RIPK1: variants seen among roughly 807,000 people sequenced by gnomAD.
RIPK1 encodes the protein receptor-interacting serine/threonine-protein kinase 1.
A neutral mutation model predicts 62.4 loss-of-function variants in RIPK1; 27 were observed. The observed-to-expected ratio is 0.43, with a 90% CI of 0.32 to 0.60. The LOEUF (loss-of-function observed/expected upper bound fraction) is 0.60, where lower values mean the gene tolerates loss of function less well. Ranked by LOEUF, RIPK1 falls within the 20% of genes least tolerant of loss-of-function variation. The pLI is 0.07. For missense variants in RIPK1, 735 were observed against 831.0 expected, an observed-to-expected ratio of 0.88 and a Z score of 1.42; for synonymous variants, 287 against 303.2, an observed-to-expected ratio of 0.95 and a Z score of 0.55.
intron 4 of RIPK1, among the ~76,000 whole-genome samples, chr6:3,082,294 A>G (rs978955620): frequency 9.2e-5 from 14 of 152,180 alleles, no homozygotes; most frequent in African/African-American, 3.1e-4. Context: ...CTATCTTCAA[A>G]TTCATGACTT....
rs1409851171 is a variant in RIPK1 at position 3,105,981 on chromosome 6, T to C, written c.1506T>C (p.Asn502=). 6.2e-7 allele frequency: 1 copy of C among 1,614,134 alleles called. No individual in the cohort carries two copies. Among genetic ancestry groups the C allele is most frequent in the Admixed American group, 1.7e-5 (1 of 60,022 alleles). Residue 502 remains asparagine, a synonymous_variant, in exon 9 of 11, where the codon AAT becomes AAC. Coordinates refer to ENST00000259808, the MANE Select transcript of RIPK1 (RefSeq NM_001354930.2). The surrounding 1 kb of genome is among the most constrained non-coding windows in gnomAD (Gnocchi z 4.5). The stretch of plus-strand genomic sequence containing the variant: ...CAAGTCATATGCCTAGTCTGCATAA[T>C]ATCCCAGTGCCTGAGACCAACTATC... ...PIPSHMPSLH[N]IPVPETNYLG... is the part of the protein sequence containing the mutation.
chr6:3,081,978 T>C (rs1759414944), intron 4 of RIPK1, among the ~76,000 whole-genome samples: 2 of 150,122 alleles, frequency 1.3e-5, no homozygotes, highest in Admixed American at 6.7e-5. Flanking sequence ...CTTCTGTCTG[T>C]ATTTTAAAAA....
At position 3,100,794 on chromosome 6, in the gene RIPK1, T is replaced by C. The variant is rs138607713; in HGVS notation, c.916-3431T>C. On this transcript the variant is annotated intron_variant, in intron 7 of 10. Coordinates refer to ENST00000259808, the MANE Select transcript of RIPK1 (RefSeq NM_001354930.2). The stretch of plus-strand genomic sequence containing the variant: ...TTTTAGTAGAGATGGGGTTTCACCA[T>C]GTTGGCCAGGCTGGTCTTGAACTCC... 3.7e-3 allele frequency among the ~76,000 whole-genome samples: 569 copies of C among 152,110 alleles called. 6 individuals carry two copies. Among genetic ancestry groups the C allele is most frequent in the African/African-American group, 0.013 (552 of 41,508 alleles).
In RIPK1 at chr6:3,105,002, C is replaced by T. The variant is rs556604183; in HGVS notation, c.1007-480C>T. Among the ~76,000 whole-genome samples the T allele has an allele frequency of 6.6e-6, 1 of 152,216 alleles. No homozygotes were observed. The highest frequency in any genetic ancestry group is 1.9e-4 in the East Asian group (1 of 5,166). On this transcript the variant is annotated intron_variant, in intron 8 of 10. Transcript: ENST00000259808. This position sits in a 1 kb window ranked among gnomAD's most constrained non-coding sequence, Gnocchi z 4.5. Reference sequence around the variant, plus strand: ...AAGCAGCAGGGATTACAGGCATGCACCACCATGCCCGGCTAATTTTTGTAT... The same window carrying T: ...AAGCAGCAGGGATTACAGGCATGCATCACCATGCCCGGCTAATTTTTGTAT...
intron 10 of RIPK1, among the ~76,000 whole-genome samples, chr6:3,111,357 A>G (rs919214855): frequency 2.0e-5 from 3 of 152,198 alleles, no homozygotes; most frequent in Non-Finnish European, 4.4e-5. Flanking sequence ...TGTGCCCTCC[A>G]CAGCACTTCT....
intron 4 of RIPK1, among the ~76,000 whole-genome samples, chr6:3,082,330 T>A (rs924386392): frequency 3.3e-5 from 5 of 152,264 alleles, no homozygotes. Flanking sequence ...GGTTAGAATC[T>A]GTGAATTTTA....
chr6:3,068,390 C>G (rs1561739740), upstream of RIPK1: 3 of 985,320 alleles, frequency 3.0e-6, no homozygotes, highest in Non-Finnish European at 3.6e-6. Flanking sequence ...AAGAGAGCTC[C>G]GGGACTCAGA....
At chr6:3,064,766 G>C (rs1178589768), upstream of RIPK1, among the ~76,000 whole-genome samples, 1 of 152,192 alleles carries the variant, frequency 6.6e-6, no homozygotes, top group Non-Finnish European at 1.5e-5. Flanking sequence ...CTTCTAAGGG[G>C]GACCAGGAGT....
In RIPK1 at chr6:3,068,627, C is replaced by G. The variant is rs76064676; in HGVS notation, c.-95C>G. 6.7e-3 allele frequency: 6,555 copies of G among 985,240 alleles called. 230 individuals are homozygous for G. In the African/African-American group the frequency reaches 0.083, roughly 12 times the overall value. 61.0% of individuals were successfully genotyped at this position (985,240 alleles called of 1,614,324 possible). On this transcript the variant is annotated 5_prime_UTR_variant, in exon 1 of 11. Transcript: ENST00000259808. ...GCGGGGCCGACGGAGCGCGGCAGGA[C>G]TTGGCTGGACGGCGCGGCCACGGAG...
Position 3,104,179 on chromosome 6 carries a change from A to G in RIPK1, c.916-46A>G, listed in dbSNP as rs199575720. The G allele has an allele frequency of 1.3e-4, 107 of 840,362 alleles. No individual in the cohort carries two copies. The African/African-American group carries it at 1.3e-3, about 10-fold the overall frequency. 52.1% of individuals were successfully genotyped at this position (840,362 alleles called of 1,614,324 possible). ...TCTCGTTAAAATTTTCTGGGACTCTATTTCCTGCTGTTCACTAAAGTGTGT... is the reference window on the plus strand; with the variant it reads ...TCTCGTTAAAATTTTCTGGGACTCTGTTTCCTGCTGTTCACTAAAGTGTGT... On this transcript the variant is annotated intron_variant, in intron 7 of 10. Coordinates refer to ENST00000259808, the MANE Select transcript of RIPK1 (RefSeq NM_001354930.2).
At chr6:3,083,358 A>C (rs1309585472) in intron 5 of RIPK1, 45 bp downstream of exon 5, 1 of 1,508,228 alleles carries the variant, frequency 6.6e-7, no homozygotes, top group Admixed American at 1.9e-5. Context: ...CAGCATCTAC[A>C]CGCACTGTGC....
chr6:3,078,220 T>G (rs1248210683), intron 3 of RIPK1, among the ~76,000 whole-genome samples: 2 of 152,166 alleles, frequency 1.3e-5, no homozygotes, highest in Non-Finnish European at 2.9e-5. Flanking sequence ...ATCTATGCCT[T>G]GATTGGGCTC....
At chr6:3,082,937 A>G in intron 4 of RIPK1, 148 bp from the exon 5 acceptor site, 1 of 693,546 alleles carries the variant, frequency 1.4e-6, no homozygotes, top group South Asian at 1.8e-5. Context: ...GTCTGTTGAG[A>G]AGTCGCTGTT....
At chr6:3,089,034 C>T (rs116575654) in intron 6 of RIPK1, among the ~76,000 whole-genome samples, 178 of 152,342 alleles carry the variant, frequency 1.2e-3, no homozygotes, top group African/African-American at 4.1e-3. Flanking sequence ...GCCTCCTTCT[C>T]TTCTCCTTTC....
chr6:3,112,830 C>A (rs1018744610), intron 10 of RIPK1, among the ~76,000 whole-genome samples: 3 of 152,216 alleles, frequency 2.0e-5, no homozygotes, highest in African/African-American at 4.8e-5. Context: ...TGAGCCACCA[C>A]GCCAGGCCGG....
intron 4 of RIPK1, among the ~76,000 whole-genome samples, chr6:3,081,589 A>T (rs1759383142): frequency 6.6e-6 from 1 of 152,134 alleles, no homozygotes; most frequent in African/African-American, 2.4e-5. Context: ...GGCCGGGTGC[A>T]GTGGCCCACG....
Position 3,071,746 on chromosome 6 carries a change from AC to A in RIPK1, c.-61+3086del, listed in dbSNP as rs1758722408. On this transcript the variant is annotated intron_variant, in intron 1 of 10. Coordinates refer to ENST00000259808, the MANE Select transcript of RIPK1 (RefSeq NM_001354930.2). ...AACCGCAAGACTGTAAGGAGAACTGACTTGGGTCAGGAGCTAAGCTCCCAAA... is the reference window on the plus strand; with the variant it reads ...AACCGCAAGACTGTAAGGAGAACTGATTGGGTCAGGAGCTAAGCTCCCAAA... Among the ~76,000 whole-genome samples the A allele has an allele frequency of 2.0e-5, 3 of 152,344 alleles. No homozygotes were observed. The South Asian group carries it at 6.2e-4, about 32-fold the overall frequency.
intron 6 of RIPK1, among the ~76,000 whole-genome samples, chr6:3,085,944 A>G (rs1159775957): frequency 6.6e-6 from 1 of 152,246 alleles, no homozygotes; most frequent in African/African-American, 2.4e-5. Context: ...AAGGCTGAAT[A>G]ATATTCCATT....
At chr6:3,112,551 G>A (rs552232225) in intron 10 of RIPK1, among the ~76,000 whole-genome samples, 1 of 152,222 alleles carries the variant, frequency 6.6e-6, no homozygotes, top group South Asian at 2.1e-4. Context: ...TTGTTTTTGA[G>A]ACAACATCCT....
Sources: gnomAD v4.1 joint callset for allele counts (sites outside exome capture counted in the v4.1 genomes callset) on GRCh38, gnomAD v4.1.1 for gene constraint, Gnocchi (gnomAD v3.1) non-coding constraint, MANE v1.5 for transcripts, NCBI Gene and HGNC (gene_info 2026-07-23, HGNC 2026-07-21) for gene names.